The following PXYLP1 variants were observed in gnomAD, a reference collection of about 807,000 sequenced individuals.
PXYLP1 encodes acid phosphatase-like 2.
Under a neutral mutation model 37.9 loss-of-function variants are expected in PXYLP1, and 17 were observed. That is an observed-to-expected ratio of 0.45 (90% CI 0.31 to 0.67). The LOEUF is 0.67. Among genes scored for constraint, PXYLP1 ranks in the 30% least tolerant of loss-of-function variants. The probability of loss-of-function intolerance (pLI) is 0.07; values close to 1 mark genes in which losing one functional copy is unlikely to be tolerated. For synonymous variants in PXYLP1, 221 were observed against 232.2 expected, an observed-to-expected ratio of 0.95 and a Z score of 0.44; for missense variants, 511 against 612.0, an observed-to-expected ratio of 0.84 and a Z score of 1.74.
intron 2 of PXYLP1, chr3:141,262,471 G>A (rs1422947978): frequency 4.3e-6 from 3 of 693,586 alleles, no homozygotes; most frequent in Admixed American, 4.1e-5. Flanking sequence ...AGACATGAAT[G>A]TGTGTTACTT....
At chr3:141,267,389 A>G (rs1335802072) in intron 2 of PXYLP1, 1 of 152,218 alleles carries the variant, frequency 6.6e-6, no homozygotes, top group African/African-American at 2.4e-5. Context: ...GTTCAGCTGG[A>G]GACAAAAAGT....
intron 1 of PXYLP1, among the ~76,000 whole-genome samples, chr3:141,232,732 C>T (rs1317478139): frequency 6.6e-6 from 1 of 152,242 alleles, no homozygotes; most frequent in Non-Finnish European, 1.5e-5. Context: ...TTTGCAGCCG[C>T]AGCTGCCTTT....
intron 1 of PXYLP1, among the ~76,000 whole-genome samples, chr3:141,237,172 A>G (rs6439985): frequency 0.84 from 127,795 of 152,204 alleles, 54,113 homozygotes; most frequent in African/African-American, 0.95. Context: ...CTTGATAACC[A>G]AATGTGGTTA....
intron 4 of PXYLP1, among the ~76,000 whole-genome samples, chr3:141,284,233 G>A (rs1026308280): frequency 6.6e-6 from 1 of 152,026 alleles, no homozygotes; most frequent in Admixed American, 6.5e-5. Flanking sequence ...CAGGGCCCCA[G>A]GTTTCTTCCA....
intron 1 of PXYLP1, among the ~76,000 whole-genome samples, chr3:141,252,165 G>T (rs1056710168): frequency 1.3e-5 from 2 of 152,158 alleles, no homozygotes; most frequent in Middle Eastern, 3.2e-3. Context: ...GGTGGGATTT[G>T]TGGGGTGTGG....
At chr3:141,271,662 G>T (rs1941667580) in intron 2 of PXYLP1, among the ~76,000 whole-genome samples, 3 of 152,336 alleles carry the variant, frequency 2.0e-5, no homozygotes, top group Non-Finnish European at 4.4e-5. Flanking sequence ...TCAGAAGAAG[G>T]CTGACAGCCA....
At chr3:141,235,514 T>TG (rs1292573154) in intron 1 of PXYLP1, 1 of 94,018 alleles carries the variant, frequency 1.1e-5, no homozygotes, top group Non-Finnish European at 2.0e-5. Context: ...TTGCAGCCAT[T>TG]GCCACTTCAT....
intron 1 of PXYLP1, among the ~76,000 whole-genome samples, chr3:141,233,512 A>C (rs1940585701): frequency 6.6e-6 from 1 of 150,784 alleles, no homozygotes; most frequent in Non-Finnish European, 1.5e-5. Context: ...AGAGAGGTGA[A>C]GATGCACGGG....
intron 1 of PXYLP1, among the ~76,000 whole-genome samples, chr3:141,246,251 G>T (rs1171041310): frequency 6.6e-6 from 1 of 152,172 alleles, no homozygotes; most frequent in Non-Finnish European, 1.5e-5. Context: ...GTTCTGACAG[G>T]CGGTCAGTCA....
At chr3:141,252,973 A>G (rs1941176973) in intron 1 of PXYLP1, among the ~76,000 whole-genome samples, 2 of 151,840 alleles carry the variant, frequency 1.3e-5, no homozygotes, top group African/African-American at 4.8e-5. Flanking sequence ...GTTCCTGTCC[A>G]GTATTCCCCA....
chr3:141,276,784 T>C (rs1294270915), intron 2 of PXYLP1, among the ~76,000 whole-genome samples: 1 of 152,196 alleles, frequency 6.6e-6, no homozygotes, highest in African/African-American at 2.4e-5. Flanking sequence ...TTTGGAAGCG[T>C]CAGGTTTCTC....
At chr3:141,236,170 G>A (rs189140454) in intron 1 of PXYLP1, 1 of 152,290 alleles carries the variant, frequency 6.6e-6, no homozygotes, top group East Asian at 1.9e-4. Flanking sequence ...GTGGAGGAGA[G>A]TTTGGGGGAA....
At chr3:141,276,227 C>T (rs575651722) in intron 2 of PXYLP1, among the ~76,000 whole-genome samples, 1 of 152,326 alleles carries the variant, frequency 6.6e-6, no homozygotes, top group South Asian at 2.1e-4. Flanking sequence ...TGTTACGCAA[C>T]TCATGACTGT....
intron 2 of PXYLP1, chr3:141,262,836 T>C (rs1941426306): frequency 1.3e-6 from 1 of 772,720 alleles, no homozygotes; most frequent in African/African-American, 1.7e-5. Flanking sequence ...CAGCACTAAT[T>C]CATAACGCAC....
At chr3:141,278,823 C>G (rs1941871043) in intron 3 of PXYLP1, among the ~76,000 whole-genome samples, 1 of 152,248 alleles carries the variant, frequency 6.6e-6, no homozygotes, top group Non-Finnish European at 1.5e-5. Context: ...TTGGCAGGCA[C>G]TAGTGCAGCA....
At chr3:141,242,778 T>C (rs1209597286) in intron 1 of PXYLP1, among the ~76,000 whole-genome samples, 3 of 152,238 alleles carry the variant, frequency 2.0e-5, no homozygotes, top group African/African-American at 4.8e-5. Flanking sequence ...GACTGTCTTA[T>C]GTTTTCCAGG....
rs771370657 is a variant in PXYLP1 at position 141,279,458 on chromosome 3, C to A, written c.319C>A (p.Pro107Thr). The A allele has an allele frequency of 1.9e-6, 3 of 1,614,208 alleles. No individual in the cohort carries two copies. The highest frequency in any genetic ancestry group is 2.5e-6 in the Non-Finnish European group (3 of 1,180,034). Residue 107 changes from proline to threonine, a missense_variant, in exon 4 of 6, where the codon CCC (proline) becomes ACC (threonine). Physicochemically the swap from Pro to Thr is conservative, Grantham distance 38. Coordinates refer to ENST00000286353, the MANE Select transcript of PXYLP1 (RefSeq NM_001037172.3). ...AGACAGGTACCCACTGTATGTCATT[C>A]CCAAAACAAAGCGACCAGAAATTGA... is the stretch of plus-strand genomic sequence containing the variant. ...HGDRYPLYVIPKTKRPEIDCT... is the reference protein window; with the variant it reads ...HGDRYPLYVITKTKRPEIDCT...
intron 1 of PXYLP1, among the ~76,000 whole-genome samples, chr3:141,244,369 T>G (rs555243451): frequency 1.5e-3 from 227 of 152,112 alleles, no homozygotes; most frequent in African/African-American, 5.2e-3. Context: ...ACTCACCTTT[T>G]TTTTTTGTTA....
chr3:141,269,501 G>C (rs1280302836), intron 2 of PXYLP1, among the ~76,000 whole-genome samples: 2 of 152,082 alleles, frequency 1.3e-5, no homozygotes, highest in African/African-American at 4.8e-5. Context: ...AAGAAAATCT[G>C]TTCATCTCTT....
Sources: gnomAD v4.1 joint callset for allele counts (sites outside exome capture counted in the v4.1 genomes callset) on GRCh38, gnomAD v4.1.1 for gene constraint, MANE v1.5 for transcripts, NCBI Gene and HGNC (gene_info 2026-07-23, HGNC 2026-07-21) for gene names.